The following KIRREL3 variants were observed in gnomAD, a reference collection of about 807,000 sequenced individuals.
KIRREL3 encodes the protein kirre like nephrin family adhesion molecule 3, also known as kin of IRRE-like protein 3.
KIRREL3 carries 36 observed loss-of-function variants against 89.7 expected under a neutral mutation model. That is an observed-to-expected ratio of 0.40 (90% CI 0.31 to 0.53). The LOEUF (loss-of-function observed/expected upper bound fraction) is 0.53. KIRREL3 is among the 20% of genes least tolerant of loss of function. KIRREL3 has a pLI of 0.49. For missense variants in KIRREL3, 864 were observed against 1,056.6 expected (o/e 0.82, Z 2.53); for synonymous variants, 445 against 441.4 (o/e 1.01, Z -0.10).
Position 126,566,778 on chromosome 11 carries a change from A to T in KIRREL3, c.56-3866T>A, listed in dbSNP as rs769228992. On this transcript the variant is annotated intron_variant, in intron 1 of 16. Transcript: ENST00000525144. The surrounding 1 kb of genome is among the most constrained non-coding windows in gnomAD (Gnocchi z 4.9). Reference sequence around the variant, plus strand: ...TGTAGTGATACGGTGGTATTATTTCATATTTGTGGGATACTTATTTTTTAA... The same window carrying T: ...TGTAGTGATACGGTGGTATTATTTCTTATTTGTGGGATACTTATTTTTTAA... Among the ~76,000 whole-genome samples the T allele has an allele frequency of 6.6e-5, 10 of 152,116 alleles. No individual in the cohort carries two copies. Among genetic ancestry groups the T allele is most frequent in the Non-Finnish European group, 1.5e-4 (10 of 68,002 alleles).
chr11:126,771,683 A>G lies in KIRREL3; in HGVS notation c.56-208771T>C, dbSNP rs1009510250. 1.3e-5 allele frequency among the ~76,000 whole-genome samples: 2 copies of G among 152,236 alleles called. No individual in the cohort carries two copies. The highest frequency in any genetic ancestry group is 4.8e-5 in the African/African-American group (2 of 41,464). ...CAGTTAATAAATATTTGCTGAATGA[A>G]TGACTGGCTTCTACTGGTGATAATG... On this transcript the variant is annotated intron_variant, in intron 1 of 16. Coordinates refer to ENST00000525144, the MANE Select transcript of KIRREL3 (RefSeq NM_032531.4). This position sits in a 1 kb window ranked among gnomAD's most constrained non-coding sequence, Gnocchi z 4.4.
chr11:126,686,483 T>G lies in KIRREL3; in HGVS notation c.56-123571A>C, dbSNP rs900742069. On this transcript the variant is annotated intron_variant, in intron 1 of 16. Transcript: ENST00000525144. The surrounding 1 kb of genome is among the most constrained non-coding windows in gnomAD (Gnocchi z 4.7). The stretch of plus-strand genomic sequence containing the variant: ...CAAAGGAAGGGAGTCCCAAGCTGAA[T>G]GTTCTGATAGGGTCAGTGCTGGCCA... Among the ~76,000 whole-genome samples the G allele has an allele frequency of 2.0e-5, 3 of 151,694 alleles. No individual in the cohort carries two copies. Among genetic ancestry groups the G allele is most frequent in the African/African-American group, 7.3e-5 (3 of 41,286 alleles).
chr11:126,591,644 C>A (rs1942138036), intron 1 of KIRREL3, among the ~76,000 whole-genome samples: 1 of 152,214 alleles, frequency 6.6e-6, no homozygotes, highest in Non-Finnish European at 1.5e-5. Flanking sequence ...AAGGATCTGG[C>A]TGTTCAGAGA....
rs982270381 is a variant in KIRREL3, at chr11:126,429,780, C to T, written c.1697-492G>A. 3.3e-5 allele frequency among the ~76,000 whole-genome samples: 5 copies of T among 152,212 alleles called. No individual in the cohort carries two copies. Among genetic ancestry groups the T allele is most frequent in the Admixed American group, 1.3e-4 (2 of 15,278 alleles). ...TGGGCAGCTTCTCTGTCGACGCCTC[C>T]GTGATGGAAGCTTTACTGCTACTTC... is the stretch of plus-strand genomic sequence containing the variant. On this transcript the variant is annotated intron_variant, in intron 14 of 16. Coordinates refer to ENST00000525144, the MANE Select transcript of KIRREL3 (RefSeq NM_032531.4). The surrounding 1 kb of genome is among the most constrained non-coding windows in gnomAD (Gnocchi z 5.2).
intron 4 of KIRREL3, among the ~76,000 whole-genome samples, chr11:126,478,757 A>G (rs369464057): frequency 1.5e-4 from 22 of 151,058 alleles, no homozygotes; most frequent in Non-Finnish European, 2.5e-4. Context: ...GTGTGTGTGT[A>G]TATGTGTGTG....
chr11:126,662,893 T>G (rs1356507145), intron 1 of KIRREL3, among the ~76,000 whole-genome samples: 1 of 146,410 alleles, frequency 6.8e-6, no homozygotes, highest in South Asian at 2.2e-4. Flanking sequence ...TTTTACTTTT[T>G]CCAAAGTCCT....
intron 1 of KIRREL3, among the ~76,000 whole-genome samples, chr11:126,886,117 C>T (rs1945686610): frequency 6.6e-6 from 1 of 152,108 alleles, no homozygotes. Flanking sequence ...CCTGTTAGTC[C>T]TAGTGAAGAG....
In KIRREL3 at chr11:126,570,693, C is replaced by T. The variant is rs112030807; in HGVS notation, c.56-7781G>A. ...ATGCCATTATTTGGCTGGCATAGCT[C>T]TATCCCCCATGCGGCCAAGGCAGGC... On this transcript the variant is annotated intron_variant, in intron 1 of 16. Transcript: ENST00000525144. This position sits in a 1 kb window ranked among gnomAD's most constrained non-coding sequence, Gnocchi z 6.1. Among the ~76,000 whole-genome samples, 2,726 of 152,290 alleles carry T rather than the reference C, an allele frequency of 0.018. 69 individuals carry two copies. The highest frequency in any genetic ancestry group is 0.059 in the African/African-American group (2,462 of 41,532).
chr11:126,937,574 C>T (rs1948246110), intron 1 of KIRREL3, among the ~76,000 whole-genome samples: 1 of 152,154 alleles, frequency 6.6e-6, no homozygotes, highest in African/African-American at 2.4e-5. Context: ...TCTTTTCCCT[C>T]CTCTGTGCCT....
Position 126,516,638 on chromosome 11 carries a change from T to C in KIRREL3, c.433+4677A>G, listed in dbSNP as rs1471172191. ...CAAATCCTTGGTACCATTTCCTCCC[T>C]GCCCTGGATGTCCCAACACCTTGCT... On this transcript the variant is annotated intron_variant, in intron 4 of 16. Coordinates refer to ENST00000525144, the MANE Select transcript of KIRREL3 (RefSeq NM_032531.4). This position sits in a 1 kb window ranked among gnomAD's most constrained non-coding sequence, Gnocchi z 4.9. 1.3e-5 allele frequency among the ~76,000 whole-genome samples: 2 copies of C among 152,210 alleles called. No homozygotes were observed. The highest frequency in any genetic ancestry group is 1.3e-4 in the Admixed American group (2 of 15,278).
rs754362398 is a variant in KIRREL3, at chr11:126,575,557, TA to T, written c.56-12646del. 2.0e-5 allele frequency among the ~76,000 whole-genome samples: 3 copies of T among 152,118 alleles called. No individual in the cohort carries two copies. The highest frequency in any genetic ancestry group is 4.4e-5 in the Non-Finnish European group (3 of 68,034). The stretch of plus-strand genomic sequence containing the variant: ...AAATGGTACTTACTTATAAATATAA[TA>T]TATTATTAGAAAGTACAGGGGTATG... On this transcript the variant is annotated intron_variant, in intron 1 of 16. Transcript: ENST00000525144. The surrounding 1 kb of genome is among the most constrained non-coding windows in gnomAD (Gnocchi z 7.0).
chr11:126,483,849 C>G (rs1246924081), intron 4 of KIRREL3, among the ~76,000 whole-genome samples: 2 of 152,172 alleles, frequency 1.3e-5, no homozygotes, highest in Non-Finnish European at 2.9e-5. Context: ...AGCTCAAAGG[C>G]CTATCATGCC....
chr11:126,450,871 ATG>A (rs1294401987), intron 7 of KIRREL3, among the ~76,000 whole-genome samples: 7 of 123,668 alleles, frequency 5.7e-5, no homozygotes, highest in African/African-American at 1.3e-4. Flanking sequence ...GTGTGTGTGC[ATG>A]TGTGCATGTG....
intron 6 of KIRREL3, among the ~76,000 whole-genome samples, chr11:126,461,025 T>A (rs965037596): frequency 7.2e-5 from 11 of 152,202 alleles, no homozygotes; most frequent in Non-Finnish European, 1.3e-4. Flanking sequence ...TCTCCCGCCC[T>A]CTCCCCTTCC....
Position 126,696,766 on chromosome 11 carries a change from C to A in KIRREL3, c.56-133854G>T, listed in dbSNP as rs569002595. ...GCACCGCCAGTGGACACACCGAACA[C>A]CCCTCTTGTCCAAACACACTGCAGC... On this transcript the variant is annotated intron_variant, in intron 1 of 16. Transcript: ENST00000525144. The surrounding 1 kb of genome is among the most constrained non-coding windows in gnomAD (Gnocchi z 4.4). 2.0e-5 allele frequency among the ~76,000 whole-genome samples: 3 copies of A among 152,310 alleles called. No individual in the cohort carries two copies. The highest frequency in any genetic ancestry group is 4.2e-4 in the South Asian group (2 of 4,812).
intron 1 of KIRREL3, among the ~76,000 whole-genome samples, chr11:126,596,777 G>A (rs974864774): frequency 6.6e-6 from 1 of 152,224 alleles, no homozygotes; most frequent in Admixed American, 6.5e-5. Flanking sequence ...GGGAATGAAA[G>A]CAACTATTAA....
At chr11:126,758,181 A>G (rs1317144451) in intron 1 of KIRREL3, among the ~76,000 whole-genome samples, 2 of 152,258 alleles carry the variant, frequency 1.3e-5, no homozygotes, top group Non-Finnish European at 1.5e-5. Flanking sequence ...TTTTCGATAA[A>G]GCTGCCCAGG....
rs1371441041 is a variant in KIRREL3 at position 126,570,742 on chromosome 11, AG to A, written c.56-7831del. ...GCATTATCAGCAACTCCTCACCACCAGCTGTGGGGTCTAGAATTATCTGTGC... is the reference window on the plus strand; with the variant it reads ...GCATTATCAGCAACTCCTCACCACCACTGTGGGGTCTAGAATTATCTGTGC... On this transcript the variant is annotated intron_variant, in intron 1 of 16. Transcript: ENST00000525144. The surrounding 1 kb of genome is among the most constrained non-coding windows in gnomAD (Gnocchi z 6.1). 1.8e-4 allele frequency among the ~76,000 whole-genome samples: 27 copies of A among 152,146 alleles called. No homozygotes were observed. The highest frequency in any genetic ancestry group is 1.2e-4 in the Non-Finnish European group (8 of 68,026).
rs1233704410 is a variant in KIRREL3 at position 126,763,291 on chromosome 11, C to A, written c.56-200379G>T. ...TGTGATGTGACAATTCCATGACCAG[C>A]CTCATGGCTGAGGTGCCACTTTCGA... On this transcript the variant is annotated intron_variant, in intron 1 of 16. Coordinates refer to ENST00000525144, the MANE Select transcript of KIRREL3 (RefSeq NM_032531.4). This position sits in a 1 kb window ranked among gnomAD's most constrained non-coding sequence, Gnocchi z 4.7. 6.6e-6 allele frequency among the ~76,000 whole-genome samples: 1 copy of A among 152,228 alleles called. No individual in the cohort carries two copies. Among genetic ancestry groups the A allele is most frequent in the Middle Eastern group, 3.2e-3 (1 of 316 alleles).
Sources: allele counts gnomAD v4.1 joint callset (sites outside exome capture counted in the v4.1 genomes callset), GRCh38; gene constraint gnomAD v4.1.1; non-coding constraint Gnocchi (gnomAD v3.1); transcripts MANE v1.5; gene names NCBI Gene and HGNC (gene_info 2026-07-23, HGNC 2026-07-21).